ATP8A2: variants seen among roughly 807,000 people sequenced by gnomAD.
ATP8A2 encodes the protein phospholipid-transporting ATPase IB.
In ATP8A2, 100 loss-of-function variants were observed where a neutral mutation model predicts 165.6. The ratio of observed to expected loss-of-function variants is 0.60; its 90% CI spans 0.51 to 0.71. The LOEUF (loss-of-function observed/expected upper bound fraction) is 0.71. Among genes scored for constraint, ATP8A2 ranks in the 30% least tolerant of loss-of-function variants. ATP8A2 has a pLI of 0.00. For synonymous variants in ATP8A2, 543 were observed against 548.8 expected (o/e 0.99, Z 0.15); for missense variants, 1,227 against 1,479.5 (o/e 0.83, Z 2.80).
At chr13:26,000,018 A>C (rs890756178) in intron 35 of ATP8A2, among the ~76,000 whole-genome samples, 1 of 152,226 alleles carries the variant, frequency 6.6e-6, no homozygotes, top group African/African-American at 2.4e-5. Flanking sequence ...TCTGGAATAC[A>C]CTTGAGCCCC....
intron 34 of ATP8A2, among the ~76,000 whole-genome samples, chr13:25,967,343 CA>C (rs1353842464): frequency 1.3e-5 from 2 of 152,118 alleles, no homozygotes; most frequent in East Asian, 3.9e-4. Context: ...GAAAGGATGA[CA>C]GGGGCATATA....
chr13:25,928,849 C>A (rs1287224021), intron 33 of ATP8A2, among the ~76,000 whole-genome samples: 1 of 152,140 alleles, frequency 6.6e-6, no homozygotes. Context: ...TGTGAAAATA[C>A]GAAATCTGAA....
At chr13:25,582,895 T>C (rs1391162243) in intron 23 of ATP8A2, among the ~76,000 whole-genome samples, 1 of 152,212 alleles carries the variant, frequency 6.6e-6, no homozygotes, top group Admixed American at 6.5e-5. Flanking sequence ...ACAAAAGCCA[T>C]GTAATCATTT....
At chr13:25,564,124 A>G (rs2039243505) in intron 16 of ATP8A2, 93 bp downstream of exon 16, 1 of 894,440 alleles carries the variant, frequency 1.1e-6, no homozygotes, top group African/African-American at 1.6e-5. Flanking sequence ...TTGCAGTTTT[A>G]GAGCATGGGA....
At chr13:25,483,576 A>G (rs1220394687) in intron 2 of ATP8A2, among the ~76,000 whole-genome samples, 1 of 152,218 alleles carries the variant, frequency 6.6e-6, no homozygotes, top group East Asian at 1.9e-4. Flanking sequence ...CTGGAAGTAG[A>G]ATAATGTCAT....
At chr13:25,681,423 C>T (rs1470279919) in intron 24 of ATP8A2, among the ~76,000 whole-genome samples, 1 of 152,208 alleles carries the variant, frequency 6.6e-6, no homozygotes, top group Non-Finnish European at 1.5e-5. Context: ...AATTTTTCCA[C>T]ACTCTTCAGG....
chr13:25,886,650 AG>A (rs1227166876), intron 33 of ATP8A2, among the ~76,000 whole-genome samples: 1 of 152,244 alleles, frequency 6.6e-6, no homozygotes, highest in Non-Finnish European at 1.5e-5. Flanking sequence ...AGCATCTCCC[AG>A]GCCCACTCCA....
chr13:25,943,319 C>T (rs1955122662), intron 33 of ATP8A2, among the ~76,000 whole-genome samples: 1 of 152,212 alleles, frequency 6.6e-6, no homozygotes, highest in South Asian at 2.1e-4. Flanking sequence ...TCTAGTCATG[C>T]ACGATGTAAC....
intron 24 of ATP8A2, among the ~76,000 whole-genome samples, chr13:25,609,694 T>C (rs982530387): frequency 6.6e-6 from 1 of 150,966 alleles, no homozygotes; most frequent in African/African-American, 2.4e-5. Flanking sequence ...CTTTAAGGAA[T>C]CTCCACACTG....
intron 28 of ATP8A2, among the ~76,000 whole-genome samples, chr13:25,833,669 T>A (rs1951533317): frequency 6.6e-6 from 1 of 152,128 alleles, no homozygotes; most frequent in Non-Finnish European, 1.5e-5. Flanking sequence ...TGGACTCCTA[T>A]ATAGAAAAAT....
At chr13:25,421,819 C>T (rs559863512) in intron 1 of ATP8A2, among the ~76,000 whole-genome samples, 14 of 152,318 alleles carry the variant, frequency 9.2e-5, no homozygotes, top group African/African-American at 3.1e-4. Flanking sequence ...ATGAAGCAAC[C>T]GTGTGTATGT....
chr13:25,872,364 G>A (rs1593482538), intron 33 of ATP8A2, among the ~76,000 whole-genome samples: 3 of 152,252 alleles, frequency 2.0e-5, no homozygotes, highest in East Asian at 3.9e-4. Context: ...TGAGCACAGA[G>A]GAAGGGTGCA....
chr13:25,672,024 T>G (rs928633512), intron 24 of ATP8A2, among the ~76,000 whole-genome samples: 7 of 152,154 alleles, frequency 4.6e-5, no homozygotes, highest in African/African-American at 9.7e-5. Flanking sequence ...TGGCCAACAC[T>G]TAAGGAAAAT....
intron 24 of ATP8A2, among the ~76,000 whole-genome samples, chr13:25,637,844 G>A (rs1293695314): frequency 6.6e-6 from 1 of 152,154 alleles, no homozygotes; most frequent in African/African-American, 2.4e-5. Flanking sequence ...TAGCCTAACT[G>A]GGAGGCATCC....
At chr13:25,821,724 A>G (rs554574740) in intron 27 of ATP8A2, among the ~76,000 whole-genome samples, 2 of 152,096 alleles carry the variant, frequency 1.3e-5, no homozygotes, top group African/African-American at 4.8e-5. Context: ...GGACTATATG[A>G]TTTTTTGCTG....
intron 25 of ATP8A2, among the ~76,000 whole-genome samples, chr13:25,761,558 G>A (rs535507910): frequency 2.6e-5 from 4 of 152,034 alleles, no homozygotes; most frequent in South Asian, 4.2e-4. Context: ...CAGGAGGATC[G>A]CTTGAGACCA....
intron 1 of ATP8A2, among the ~76,000 whole-genome samples, chr13:25,466,981 T>C (rs1159676625): frequency 6.6e-6 from 1 of 152,230 alleles, no homozygotes. Flanking sequence ...TCCATCTGTC[T>C]TACATCAGCA....
chr13:25,530,371 C>A (rs993569953), intron 3 of ATP8A2, among the ~76,000 whole-genome samples, 191 bp from the exon 4 acceptor site: 8 of 152,082 alleles, frequency 5.3e-5, no homozygotes, highest in African/African-American at 1.9e-4. Flanking sequence ...AAACACATAA[C>A]CAATGTTGGA....
intron 35 of ATP8A2, among the ~76,000 whole-genome samples, chr13:26,010,705 C>T (rs1018694170): frequency 2.6e-5 from 4 of 152,234 alleles, no homozygotes; most frequent in Non-Finnish European, 5.9e-5. Flanking sequence ...CCATGCCTTC[C>T]AGGGCAATTG....
Sources: allele counts gnomAD v4.1 joint callset (sites outside exome capture counted in the v4.1 genomes callset), GRCh38; gene constraint gnomAD v4.1.1; transcripts MANE v1.5; gene names NCBI Gene and HGNC (gene_info 2026-07-23, HGNC 2026-07-21).